The following TFEC variants were observed in gnomAD, a reference collection of about 807,000 sequenced individuals.
The protein encoded by TFEC is class E basic helix-loop-helix protein 34.
TFEC carries 31 observed loss-of-function variants against 41.6 expected under a neutral mutation model. The observed-to-expected ratio is 0.74, with a 90% confidence interval of 0.56 to 1.01. The LOEUF (loss-of-function observed/expected upper bound fraction) is 1.01. TFEC is among the 50% of genes least tolerant of loss of function. The pLI is 0.00. For synonymous variants in TFEC, 143 were observed against 140.6 expected (o/e 1.02, Z -0.12); for missense variants, 402 against 404.1 (o/e 0.99, Z 0.04).
At chr7:116,099,803 G>T (rs191014212) in intron 3 of TFEC, among the ~76,000 whole-genome samples, 1 of 152,160 alleles carries the variant, frequency 6.6e-6, no homozygotes, top group East Asian at 1.9e-4. Flanking sequence ...GCAACAATGC[G>T]TAACTAATAC....
intron 3 of TFEC, chr7:115,968,354 C>A: frequency 7.1e-7 from 1 of 1,407,216 alleles, no homozygotes; most frequent in South Asian, 1.7e-5. Flanking sequence ...CTAATCTTGT[C>A]TAGATTGTGA....
intron 1 of TFEC, among the ~76,000 whole-genome samples, chr7:116,148,944 T>C (rs1798702318): frequency 6.6e-6 from 1 of 151,560 alleles, no homozygotes. Flanking sequence ...TGAGAAACTT[T>C]AAGCGATCAG....
In TFEC at chr7:116,046,893, G is replaced by A. The variant is rs564084122; in HGVS notation, c.199-62380C>T. 2.6e-5 allele frequency among the ~76,000 whole-genome samples: 4 copies of A among 152,280 alleles called. No homozygotes were observed. In the East Asian group the frequency reaches 7.7e-4, roughly 29 times the overall value. On this transcript the variant is annotated intron_variant, in intron 3 of 8. Transcript: ENST00000484212. ...TATTCTCTCACCAGAGAGGTGAGCT[G>A]TAACACAATCCCTTGAATTTATTAT...
chr7:116,015,778 C>T (rs1166208298), intron 1 of TFEC, among the ~76,000 whole-genome samples: 3 of 151,952 alleles, frequency 2.0e-5, no homozygotes, highest in Non-Finnish European at 4.4e-5. Context: ...AAGAAGATGG[C>T]ACCAAAATAA....
intron 1 of TFEC, among the ~76,000 whole-genome samples, chr7:115,995,989 T>C (rs544328356): frequency 2.0e-5 from 3 of 152,294 alleles, no homozygotes; most frequent in South Asian, 2.1e-4. Flanking sequence ...CTGAATAAAC[T>C]TGAAAGGCAG....
chr7:115,955,530 AG>A (rs1487778848), intron 4 of TFEC, among the ~76,000 whole-genome samples: 1 of 152,068 alleles, frequency 6.6e-6, no homozygotes, highest in African/African-American at 2.4e-5. Flanking sequence ...CTCCAGCCTC[AG>A]TCAAGTCTCA....
Position 115,939,372 on chromosome 7 carries a change from T to C in TFEC, c.*1179A>G, listed in dbSNP as rs1793377756. ...AGATAAAAATCTAAATGAAGCATCATAGTTATAAGTGCTTATAATAAATGC... is the reference window on the plus strand; with the variant it reads ...AGATAAAAATCTAAATGAAGCATCACAGTTATAAGTGCTTATAATAAATGC... On this transcript the variant is annotated 3_prime_UTR_variant, in exon 8 of 8. Coordinates refer to ENST00000265440, the MANE Select transcript of TFEC (RefSeq NM_012252.4). 6.6e-6 allele frequency: 1 copy of C among 152,046 alleles called. No individual in the cohort carries two copies. The highest frequency in any genetic ancestry group is 1.5e-5 in the Non-Finnish European group (1 of 67,982). 9.4% of individuals were successfully genotyped at this position (152,046 alleles called of 1,614,324 possible).
chr7:116,127,920 A>G (rs1323772982), intron 1 of TFEC, among the ~76,000 whole-genome samples: 1 of 152,016 alleles, frequency 6.6e-6, no homozygotes, highest in African/African-American at 2.4e-5. Context: ...TTTTTGTCAA[A>G]CTACTCTTTT....
chr7:116,048,412 A>G (rs912994976), intron 3 of TFEC, among the ~76,000 whole-genome samples: 14 of 152,262 alleles, frequency 9.2e-5, no homozygotes, highest in Admixed American at 8.5e-4. Flanking sequence ...GAAATGAAGC[A>G]ACAAGAGAAG....
chr7:116,018,046 C>A lies in TFEC; in HGVS notation c.-73+12587G>T, dbSNP rs191818073. Among the ~76,000 whole-genome samples, 5 of 151,904 alleles carry A rather than the reference C, an allele frequency of 3.3e-5. No homozygotes were observed. In the East Asian group the frequency reaches 9.7e-4, roughly 29 times the overall value. On this transcript the variant is annotated intron_variant, in intron 1 of 7. Transcript: ENST00000265440. ...CAAATCAGTGAATGAGGAAAAAAGC[C>A]AATAATAATAATATAGTATTAATAA... is the stretch of plus-strand genomic sequence containing the variant.
At chr7:116,044,773 A>C (rs867133829) in intron 3 of TFEC, among the ~76,000 whole-genome samples, 5 of 152,210 alleles carry the variant, frequency 3.3e-5, no homozygotes, top group African/African-American at 1.2e-4. Context: ...TGGGAGGCAT[A>C]ATCTGTAGTT....
chr7:116,024,557 C>T (rs953083670), intron 1 of TFEC, among the ~76,000 whole-genome samples: 1 of 152,146 alleles, frequency 6.6e-6, no homozygotes, highest in Admixed American at 6.6e-5. Flanking sequence ...TTAGATGATA[C>T]ATGTAAAGCC....
intron 1 of TFEC, among the ~76,000 whole-genome samples, chr7:116,152,483 G>A (rs1333051446): frequency 6.6e-6 from 1 of 152,196 alleles, no homozygotes; most frequent in East Asian, 1.9e-4. Flanking sequence ...GAGTCTTCAA[G>A]CGGGTACTGA....
At chr7:115,970,061 A>T (rs916616441) in intron 3 of TFEC, among the ~76,000 whole-genome samples, 52 of 152,012 alleles carry the variant, frequency 3.4e-4, no homozygotes, top group Non-Finnish European at 1.5e-5. Context: ...TAGGGGATTG[A>T]TCTAGGCTAG....
At chr7:116,111,496 C>G (rs1294876889) in intron 2 of TFEC, among the ~76,000 whole-genome samples, 2 of 151,972 alleles carry the variant, frequency 1.3e-5, no homozygotes, top group Non-Finnish European at 2.9e-5. Context: ...AAATGAGAAA[C>G]AAACACAAAA....
intron 3 of TFEC, among the ~76,000 whole-genome samples, chr7:116,054,942 C>A (rs1796393636): frequency 6.6e-6 from 1 of 152,090 alleles, no homozygotes; most frequent in Non-Finnish European, 1.5e-5. Context: ...ATTAGAGTAA[C>A]TGTATTCCAG....
chr7:115,996,093 A>G (rs1414226364), intron 1 of TFEC, among the ~76,000 whole-genome samples: 1 of 152,212 alleles, frequency 6.6e-6, no homozygotes, highest in Non-Finnish European at 1.5e-5. Flanking sequence ...CTAGTGAGAT[A>G]TCAGCTGGGG....
chr7:116,044,378 AC>A (rs1337454869), intron 3 of TFEC, among the ~76,000 whole-genome samples: 2 of 152,138 alleles, frequency 1.3e-5, no homozygotes, highest in African/African-American at 2.4e-5. Context: ...CTAACAATAA[AC>A]CTTTTTATAT....
chr7:115,944,558 T>C (rs1584550977), intron 6 of TFEC, among the ~76,000 whole-genome samples: 2 of 151,748 alleles, frequency 1.3e-5, no homozygotes, highest in South Asian at 2.1e-4. Context: ...TTTTGATACA[T>C]AGAAATAAAA....
Sources: allele counts gnomAD v4.1 joint callset (sites outside exome capture counted in the v4.1 genomes callset), GRCh38; gene constraint gnomAD v4.1.1; transcripts MANE v1.5; gene names NCBI Gene and HGNC (gene_info 2026-07-23, HGNC 2026-07-21).